SRGAP1: variants seen among roughly 807,000 people sequenced by gnomAD.
SRGAP1 encodes the protein SLIT-ROBO Rho GTPase activating protein 1, also known as SLIT-ROBO Rho GTPase-activating protein 1.
A neutral mutation model predicts 121.9 loss-of-function variants in SRGAP1; 43 were observed. That is an observed-to-expected ratio of 0.35 (90% CI 0.28 to 0.46). The LOEUF is 0.46. Among genes scored for constraint, SRGAP1 ranks in the 20% least tolerant of loss-of-function variants. SRGAP1 has a pLI of 1.00. For synonymous variants in SRGAP1, 447 were observed against 485.4 expected (o/e 0.92, Z 1.04); for missense variants, 1,102 against 1,350.9 (o/e 0.82, Z 2.89).
intron 19 of SRGAP1, 72 bp downstream of exon 19, chr12:64,126,229 T>A: frequency 6.5e-7 from 1 of 1,527,160 alleles, no homozygotes; most frequent in Admixed American, 1.8e-5. Context: ...TAAACTGACC[T>A]TGGTCTTGTG....
intron 6 of SRGAP1, among the ~76,000 whole-genome samples, chr12:64,054,281 T>A (rs1054592668): frequency 3.3e-5 from 5 of 152,244 alleles, no homozygotes; most frequent in African/African-American, 1.2e-4. Context: ...ATAGAGATTA[T>A]CTGTCACATG....
chr12:63,978,033 C>G (rs2033138907), intron 1 of SRGAP1, among the ~76,000 whole-genome samples: 1 of 152,112 alleles, frequency 6.6e-6, no homozygotes, highest in African/African-American at 2.4e-5. Context: ...TGCCTTTGGG[C>G]TCATGAAATC....
chr12:63,948,138 T>G (rs1195673452), intron 1 of SRGAP1, among the ~76,000 whole-genome samples: 1 of 152,142 alleles, frequency 6.6e-6, no homozygotes, highest in Non-Finnish European at 1.5e-5. Flanking sequence ...CGCCCTAAAA[T>G]GCATAATAAA....
At chr12:64,072,162 G>GT (rs945203544) in intron 8 of SRGAP1, among the ~76,000 whole-genome samples, 23 of 136,512 alleles carry the variant, frequency 1.7e-4, no homozygotes, top group African/African-American at 5.2e-4. Context: ...GGCGGGGGGG[G>GT]GCTCTTTCTG....
Position 63,844,758 on chromosome 12 carries a change from C to G in SRGAP1, c.-59C>G. ...TACAACTCTGCCTCTCCAAGGAGAA[C>G]GGGTTGTGACCACTGAACAAAACTT... On this transcript the variant is annotated 5_prime_UTR_variant, in exon 1 of 22. Transcript: ENST00000355086. This position sits in a 1 kb window ranked among gnomAD's most constrained non-coding sequence, Gnocchi z 4.3. The G allele has an allele frequency of 6.5e-7, 1 of 1,545,674 alleles. No individual in the cohort carries two copies. Among genetic ancestry groups the G allele is most frequent in the East Asian group, 2.2e-5 (1 of 44,606 alleles).
chr12:64,040,063 G>A (rs145992494), intron 4 of SRGAP1, among the ~76,000 whole-genome samples: 1 of 152,192 alleles, frequency 6.6e-6, no homozygotes, highest in Non-Finnish European at 1.5e-5. Context: ...GCCATCATCA[G>A]ATTTTATGAA....
chr12:64,000,065 T>C (rs17099988), intron 3 of SRGAP1, among the ~76,000 whole-genome samples: 2,518 of 152,176 alleles, frequency 0.017, 57 homozygotes, highest in African/African-American at 0.057. Flanking sequence ...TCCACTGAAC[T>C]GAGCAGCAAA....
chr12:63,913,393 G>A (rs1386647175), intron 1 of SRGAP1, among the ~76,000 whole-genome samples: 2 of 145,004 alleles, frequency 1.4e-5, no homozygotes, highest in South Asian at 2.2e-4. Flanking sequence ...CTTGGCTCAA[G>A]CGATCCTCCC....
chr12:63,997,461 G>C (rs985873504), intron 3 of SRGAP1, among the ~76,000 whole-genome samples: 4 of 152,024 alleles, frequency 2.6e-5, no homozygotes, highest in African/African-American at 9.7e-5. Flanking sequence ...ATTACATTGA[G>C]ATAAGTGGTC....
chr12:63,968,049 C>T (rs964280502), intron 1 of SRGAP1, among the ~76,000 whole-genome samples: 6 of 152,174 alleles, frequency 3.9e-5, no homozygotes, highest in Non-Finnish European at 7.4e-5. Context: ...AATACATTTA[C>T]TTAAGAGCCA....
At chr12:63,855,389 G>A (rs1223582605) in intron 1 of SRGAP1, among the ~76,000 whole-genome samples, 1 of 150,612 alleles carries the variant, frequency 6.6e-6, no homozygotes, top group Non-Finnish European at 1.5e-5. Flanking sequence ...TCTCTGGATG[G>A]CCCTGTTTCT....
chr12:63,932,748 G>C (rs2031524267), intron 1 of SRGAP1, among the ~76,000 whole-genome samples: 1 of 152,184 alleles, frequency 6.6e-6, no homozygotes, highest in African/African-American at 2.4e-5. Context: ...CACTTGCACT[G>C]TGCTCTGTTG....
chr12:64,081,892 T>C (rs893936906), intron 10 of SRGAP1: 1 of 151,570 alleles, frequency 6.6e-6, no homozygotes, highest in African/African-American at 2.4e-5. Context: ...CTTTTAACTC[T>C]TCTGTAGGTT....
At chr12:63,865,267 G>A (rs896498331) in intron 1 of SRGAP1, among the ~76,000 whole-genome samples, 3 of 152,100 alleles carry the variant, frequency 2.0e-5, no homozygotes, top group Admixed American at 6.6e-5. Flanking sequence ...TCAGGAGTTC[G>A]AGACCAGCCC....
At chr12:63,948,136 A>C (rs913060384) in intron 1 of SRGAP1, among the ~76,000 whole-genome samples, 2 of 152,144 alleles carry the variant, frequency 1.3e-5, no homozygotes, top group African/African-American at 4.8e-5. Context: ...TTCGCCCTAA[A>C]ATGCATAATA....
At chr12:63,951,121 G>T (rs1592975519) in intron 1 of SRGAP1, among the ~76,000 whole-genome samples, 1 of 120,344 alleles carries the variant, frequency 8.3e-6, no homozygotes, top group African/African-American at 3.1e-5. Flanking sequence ...ATTCATATTT[G>T]TGAATGGGCT....
At chr12:64,020,319 A>G (rs1248644792) in intron 4 of SRGAP1, among the ~76,000 whole-genome samples, 1 of 152,216 alleles carries the variant, frequency 6.6e-6, no homozygotes, top group African/African-American at 2.4e-5. Flanking sequence ...ACAATAGAGC[A>G]CAGGTTGTGT....
At chr12:63,880,639 A>G (rs560829814) in intron 1 of SRGAP1, among the ~76,000 whole-genome samples, 1 of 152,316 alleles carries the variant, frequency 6.6e-6, no homozygotes, top group African/African-American at 2.4e-5. Flanking sequence ...TGACCTTGAG[A>G]GCCCAGATCT....
intron 4 of SRGAP1, among the ~76,000 whole-genome samples, chr12:64,023,419 G>A (rs73317402): frequency 0.024 from 3,698 of 152,150 alleles, 160 homozygotes; most frequent in African/African-American, 0.082. Context: ...TGTTAAGCCC[G>A]TCCCACTACC....
Sources: gnomAD v4.1 joint callset for allele counts (sites outside exome capture counted in the v4.1 genomes callset) on GRCh38, gnomAD v4.1.1 for gene constraint, Gnocchi (gnomAD v3.1) non-coding constraint, MANE v1.5 for transcripts, NCBI Gene and HGNC (gene_info 2026-07-23, HGNC 2026-07-21) for gene names.